The following LRP1B variants were observed in gnomAD, a reference collection of about 807,000 sequenced individuals.
The protein encoded by LRP1B is LDL receptor related protein 1B.
LRP1B carries 217 observed loss-of-function variants against 556.6 expected under a neutral mutation model. That is an observed-to-expected ratio of 0.39 (90% CI 0.35 to 0.44). LRP1B has a LOEUF of 0.44. Among genes scored for constraint, LRP1B ranks in the 20% least tolerant of loss-of-function variants. The pLI is 1.00. For synonymous variants in LRP1B, 2,047 were observed against 1,865.8 expected (o/e 1.10, Z -2.50); for missense variants, 5,053 against 5,620.8 (o/e 0.90, Z 3.23).
At chr2:141,776,973 G>T (rs1695099716) in intron 2 of LRP1B, among the ~76,000 whole-genome samples, 1 of 152,074 alleles carries the variant, frequency 6.6e-6, no homozygotes, top group African/African-American at 2.4e-5. Context: ...TTTTGCATGG[G>T]TTATTGAACA....
intron 3 of LRP1B, among the ~76,000 whole-genome samples, chr2:141,371,061 G>A (rs1689214458): frequency 6.6e-6 from 1 of 152,028 alleles, no homozygotes; most frequent in South Asian, 2.1e-4. Flanking sequence ...TCGGCTCACT[G>A]CAACCGCTGC....
chr2:140,457,735 C>G, intron 60 of LRP1B, 84 bp from the exon 61 acceptor site: 1 of 1,059,266 alleles, frequency 9.4e-7, no homozygotes, highest in South Asian at 1.5e-5. Flanking sequence ...CTGACAGATA[C>G]AACTGCTACA....
intron 3 of LRP1B, among the ~76,000 whole-genome samples, chr2:141,473,074 C>T (rs965245149): frequency 2.0e-5 from 3 of 152,094 alleles, no homozygotes; most frequent in African/African-American, 4.8e-5. Flanking sequence ...TCAACATATT[C>T]GAACATTTTT....
At chr2:140,942,428 GA>G (rs1402734827) in intron 20 of LRP1B, among the ~76,000 whole-genome samples, 2 of 151,984 alleles carry the variant, frequency 1.3e-5, no homozygotes, top group African/African-American at 4.8e-5. Context: ...ACAGATACAA[GA>G]AATTCAGGGA....
In LRP1B at chr2:141,629,979, T is replaced by C. The variant is rs370879414; in HGVS notation, c.206-149446A>G. On this transcript the variant is annotated intron_variant, in intron 2 of 90. Coordinates refer to ENST00000389484, the MANE Select transcript of LRP1B (RefSeq NM_018557.3). ...CACCCCATGTCAAGGCATTTATAAG[T>C]TGGATCAATACAATCTTCAAAAGCA... is the stretch of plus-strand genomic sequence containing the variant. 6.6e-5 allele frequency among the ~76,000 whole-genome samples: 10 copies of C among 152,022 alleles called. No individual in the cohort carries two copies. In the East Asian group the frequency reaches 1.8e-3, roughly 27 times the overall value.
intron 2 of LRP1B, among the ~76,000 whole-genome samples, chr2:141,674,634 C>G (rs1286544798): frequency 2.6e-5 from 4 of 151,978 alleles, no homozygotes; most frequent in Non-Finnish European, 1.5e-5. Context: ...ATTTAATCTA[C>G]AGAATAACCC....
chr2:141,874,719 CA>C (rs1698701067), intron 1 of LRP1B, among the ~76,000 whole-genome samples: 1 of 151,670 alleles, frequency 6.6e-6, no homozygotes. Context: ...ATGTGACCAG[CA>C]ACAAACTGTG....
At chr2:142,084,197 G>A (rs1028504526) in intron 1 of LRP1B, among the ~76,000 whole-genome samples, 4 of 152,088 alleles carry the variant, frequency 2.6e-5, no homozygotes, top group Non-Finnish European at 4.4e-5. Flanking sequence ...GGCCAGGCTG[G>A]TTTTGAACTC....
chr2:141,375,674 G>C (rs1689402171), intron 3 of LRP1B, among the ~76,000 whole-genome samples: 1 of 152,092 alleles, frequency 6.6e-6, no homozygotes, highest in South Asian at 2.1e-4. Flanking sequence ...CTGAGGGAAG[G>C]GAACAACCTA....
At chr2:140,305,423 G>C (rs1684023772) in intron 83 of LRP1B, among the ~76,000 whole-genome samples, 1 of 152,118 alleles carries the variant, frequency 6.6e-6, no homozygotes, top group Admixed American at 6.6e-5. Flanking sequence ...AAGCAATTGT[G>C]AATGGGAGTT....
At chr2:140,245,946 A>T (rs1407022886) in intron 87 of LRP1B, among the ~76,000 whole-genome samples, 4 of 151,240 alleles carry the variant, frequency 2.6e-5, no homozygotes, top group African/African-American at 9.7e-5. Flanking sequence ...CACCTATCCA[A>T]ATTTAAATAT....
intron 32 of LRP1B, among the ~76,000 whole-genome samples, chr2:140,802,419 C>A (rs1690548387): frequency 6.6e-6 from 1 of 152,124 alleles, no homozygotes; most frequent in South Asian, 2.1e-4. Flanking sequence ...TATTTTATAT[C>A]TAAAGACAAA....
chr2:141,665,444 T>A (rs1019768029), intron 2 of LRP1B, among the ~76,000 whole-genome samples: 2 of 151,966 alleles, frequency 1.3e-5, no homozygotes, highest in Admixed American at 6.6e-5. Flanking sequence ...TGCTGGTGAG[T>A]CTGTGGAGAA....
chr2:141,686,394 CT>C (rs2105438152), intron 2 of LRP1B, among the ~76,000 whole-genome samples: 1 of 152,054 alleles, frequency 6.6e-6, no homozygotes, highest in Non-Finnish European at 1.5e-5. Flanking sequence ...AAGACTACCC[CT>C]ATGTCCCTGA....
chr2:141,376,047 C>T (rs1294622735), intron 3 of LRP1B, among the ~76,000 whole-genome samples: 7 of 152,154 alleles, frequency 4.6e-5, no homozygotes, highest in Non-Finnish European at 1.0e-4. Flanking sequence ...AGTAAGGACC[C>T]TCCCAGGATT....
chr2:140,257,174 A>G (rs1020668087), intron 86 of LRP1B, among the ~76,000 whole-genome samples: 3 of 140,508 alleles, frequency 2.1e-5, no homozygotes, highest in African/African-American at 7.9e-5. Context: ...TTGAAGTTTA[A>G]TTAATCTAGT....
At chr2:141,133,291 T>TC (rs368190951) in intron 7 of LRP1B, among the ~76,000 whole-genome samples, 3,480 of 18,580 alleles carry the variant, frequency 0.19, 67 homozygotes, top group East Asian at 0.49. Flanking sequence ...GTAACGTCTC[T>TC]TTTTTTTTTT....
At chr2:141,926,206 A>G (rs971190568) in intron 1 of LRP1B, among the ~76,000 whole-genome samples, 1 of 152,224 alleles carries the variant, frequency 6.6e-6, no homozygotes, top group African/African-American at 2.4e-5. Flanking sequence ...AACATTATCA[A>G]AGAAATACTA....
intron 41 of LRP1B, among the ~76,000 whole-genome samples, chr2:140,653,735 T>G (rs1430181327): frequency 6.6e-6 from 1 of 151,824 alleles, no homozygotes; most frequent in Non-Finnish European, 1.5e-5. Context: ...CTAAAAGACT[T>G]TAACTATGGC....
Sources: gnomAD v4.1 joint callset for allele counts (sites outside exome capture counted in the v4.1 genomes callset) on GRCh38, gnomAD v4.1.1 for gene constraint, MANE v1.5 for transcripts, NCBI Gene and HGNC (gene_info 2026-07-23, HGNC 2026-07-21) for gene names.